Variants in ADCY8 observed in about 807,000 individuals in gnomAD.
ADCY8 encodes the protein adenylate cyclase 8.
ADCY8 carries 51 observed loss-of-function variants against 119.7 expected under a neutral mutation model. That is an observed-to-expected ratio of 0.43 (90% CI 0.34 to 0.54). The LOEUF is 0.54. Ranked by LOEUF, ADCY8 falls within the 20% of genes least tolerant of loss-of-function variation. The pLI is 0.03. For synonymous variants in ADCY8, 665 were observed against 651.0 expected, an observed-to-expected ratio of 1.02 and a Z score of -0.33; for missense variants, 1,383 against 1,598.8, an observed-to-expected ratio of 0.87 and a Z score of 2.30.
At chr8:130,923,948 T>G (rs569839086) in intron 5 of ADCY8, among the ~76,000 whole-genome samples, 2 of 152,338 alleles carry the variant, frequency 1.3e-5, no homozygotes, top group East Asian at 3.9e-4. Flanking sequence ...TGACTGACAT[T>G]TTCCTCTTTC....
At chr8:130,978,461 A>T (rs951042387) in intron 2 of ADCY8, among the ~76,000 whole-genome samples, 2 of 152,226 alleles carry the variant, frequency 1.3e-5, no homozygotes, top group African/African-American at 4.8e-5. Context: ...TCTGTTGATA[A>T]TAATCACATA....
chr8:130,790,976 G>A (rs4339660), intron 15 of ADCY8, among the ~76,000 whole-genome samples: 95,567 of 152,068 alleles, frequency 0.63, 31,266 homozygotes, highest in African/African-American at 0.78. Flanking sequence ...CAGTTTACAC[G>A]TTCATGCCCT....
intron 9 of ADCY8, among the ~76,000 whole-genome samples, chr8:130,857,674 C>A (rs907671708): frequency 6.6e-6 from 1 of 152,136 alleles, no homozygotes; most frequent in East Asian, 1.9e-4. Context: ...GGCTGTCTCT[C>A]TTGTTTGTGT....
intron 2 of ADCY8, among the ~76,000 whole-genome samples, chr8:130,979,812 A>C (rs1334480467): frequency 6.6e-6 from 1 of 152,226 alleles, no homozygotes; most frequent in Admixed American, 6.5e-5. Flanking sequence ...TATCAGAGCC[A>C]GTCACTGTTA....
At chr8:130,883,230 C>G (rs558749011) in intron 8 of ADCY8, among the ~76,000 whole-genome samples, 6 of 152,114 alleles carry the variant, frequency 3.9e-5, no homozygotes, top group Non-Finnish European at 8.8e-5. Flanking sequence ...TTTACACAAG[C>G]TAATTGAGAA....
At chr8:131,010,954 C>A (rs569700526) in intron 1 of ADCY8, among the ~76,000 whole-genome samples, 1 of 152,084 alleles carries the variant, frequency 6.6e-6, no homozygotes, top group African/African-American at 2.4e-5. Context: ...AAAACCTAAC[C>A]CCAGTGAAGC....
intron 9 of ADCY8, among the ~76,000 whole-genome samples, chr8:130,856,290 G>C (rs184517354): frequency 6.6e-6 from 1 of 151,950 alleles, no homozygotes; most frequent in Non-Finnish European, 1.5e-5. Flanking sequence ...CTACTAGATG[G>C]TCAGCTTTAT....
intron 5 of ADCY8, among the ~76,000 whole-genome samples, chr8:130,928,703 G>T (rs958092972): frequency 2.0e-5 from 3 of 152,068 alleles, no homozygotes; most frequent in African/African-American, 4.8e-5. Flanking sequence ...TCTTTATCAG[G>T]AATAAAATCA....
At chr8:130,931,041 A>G (rs947681968) in intron 5 of ADCY8, among the ~76,000 whole-genome samples, 1 of 152,254 alleles carries the variant, frequency 6.6e-6, no homozygotes, top group Middle Eastern at 3.4e-3. Context: ...AGTGAGTTGT[A>G]CTTTCAAATG....
At chr8:130,834,056 C>T (rs1816916017) in intron 12 of ADCY8, among the ~76,000 whole-genome samples, 1 of 152,020 alleles carries the variant, frequency 6.6e-6, no homozygotes. Flanking sequence ...CGTGCTGTCA[C>T]CACCTACAAA....
At chr8:131,032,202 A>G (rs1824017963) in intron 1 of ADCY8, among the ~76,000 whole-genome samples, 1 of 152,186 alleles carries the variant, frequency 6.6e-6, no homozygotes, top group African/African-American at 2.4e-5. Flanking sequence ...AATGTGATTT[A>G]CTTTCATATC....
intron 15 of ADCY8, among the ~76,000 whole-genome samples, chr8:130,790,921 C>T (rs1815404758): frequency 6.6e-6 from 1 of 152,160 alleles, no homozygotes; most frequent in African/African-American, 2.4e-5. Flanking sequence ...TTTGAATTTC[C>T]CCAGAGTAAT....
At chr8:130,895,384 C>T (rs902392716) in intron 7 of ADCY8, among the ~76,000 whole-genome samples, 1 of 152,142 alleles carries the variant, frequency 6.6e-6, no homozygotes, top group Non-Finnish European at 1.5e-5. Flanking sequence ...TTTTTCATGT[C>T]TGTGGTTATA....
rs532785072 is a variant in ADCY8 at position 130,990,140 on chromosome 8, G to A, written c.1110+253C>T. Reference sequence around the variant, plus strand: ...TTCACAAACACAGATGTCAGTGAAAGGTGTCAGAAAATAAATTTGTGACTG... The same window carrying A: ...TTCACAAACACAGATGTCAGTGAAAAGTGTCAGAAAATAAATTTGTGACTG... On this transcript the variant is annotated intron_variant, in intron 2 of 17. Coordinates refer to ENST00000286355, the MANE Select transcript of ADCY8 (RefSeq NM_001115.3). 7.2e-5 allele frequency among the ~76,000 whole-genome samples: 11 copies of A among 152,336 alleles called. No individual in the cohort carries two copies. The East Asian group carries it at 1.3e-3, about 19-fold the overall frequency.
chr8:130,942,809 T>G (rs962334358), intron 4 of ADCY8, among the ~76,000 whole-genome samples: 4 of 152,246 alleles, frequency 2.6e-5, no homozygotes, highest in African/African-American at 9.6e-5. Flanking sequence ...CAAATGTCCA[T>G]CTCCTTTAAT....
chr8:131,000,011 A>C (rs573628602), intron 1 of ADCY8, among the ~76,000 whole-genome samples: 2 of 152,358 alleles, frequency 1.3e-5, no homozygotes, highest in East Asian at 1.9e-4. Context: ...AGTATGACTT[A>C]CTTTAATTGA....
intron 2 of ADCY8, among the ~76,000 whole-genome samples, chr8:130,975,886 C>A (rs1822056339): frequency 6.6e-6 from 1 of 152,150 alleles, no homozygotes; most frequent in Non-Finnish European, 1.5e-5. Flanking sequence ...GGACAATTCC[C>A]AGTGACACTG....
chr8:130,831,638 G>A (rs371891978), intron 12 of ADCY8, among the ~76,000 whole-genome samples: 4 of 152,210 alleles, frequency 2.6e-5, no homozygotes, highest in Admixed American at 1.3e-4. Context: ...TAAGGAGTCA[G>A]TGTGGTCCAG....
At chr8:130,979,589 G>A (rs780250272) in intron 2 of ADCY8, among the ~76,000 whole-genome samples, 6 of 151,946 alleles carry the variant, frequency 3.9e-5, no homozygotes, top group Non-Finnish European at 5.9e-5. Context: ...GAAGGACATC[G>A]TAGCATAATA....
Sources: allele counts gnomAD v4.1 joint callset (sites outside exome capture counted in the v4.1 genomes callset), GRCh38; gene constraint gnomAD v4.1.1; transcripts MANE v1.5; gene names NCBI Gene and HGNC (gene_info 2026-07-23, HGNC 2026-07-21).